Variants in GRID1 observed in about 807,000 individuals in gnomAD.
The protein encoded by GRID1 is glutamate receptor ionotropic, delta-1.
A neutral mutation model predicts 98.0 loss-of-function variants in GRID1; 28 were observed. That is an observed-to-expected ratio of 0.29 (90% CI 0.21 to 0.39). GRID1 has a LOEUF of 0.39. GRID1 is among the 10% of genes least tolerant of loss of function. The probability of loss-of-function intolerance (pLI) is 1.00; values close to 1 mark genes in which losing one functional copy is unlikely to be tolerated. For synonymous variants in GRID1, 553 were observed against 538.5 expected, an observed-to-expected ratio of 1.03 and a Z score of -0.37; for missense variants, 1,111 against 1,340.5, an observed-to-expected ratio of 0.83 and a Z score of 2.67.
chr10:86,168,593 T>C (rs1689111167), intron 3 of GRID1, among the ~76,000 whole-genome samples: 3 of 152,186 alleles, frequency 2.0e-5, no homozygotes, highest in Non-Finnish European at 4.4e-5. Flanking sequence ...AAGTGCCCAC[T>C]GCACCCTGAG....
chr10:86,336,948 C>T (rs770843324), intron 2 of GRID1, among the ~76,000 whole-genome samples: 3 of 151,672 alleles, frequency 2.0e-5, no homozygotes, highest in Admixed American at 6.6e-5. Context: ...GGGTTCACGC[C>T]ATTCTCCTGC....
At chr10:85,656,276 A>T (rs1840894062) in intron 12 of GRID1, among the ~76,000 whole-genome samples, 1 of 151,396 alleles carries the variant, frequency 6.6e-6, no homozygotes, top group Admixed American at 6.6e-5. Flanking sequence ...TCCAGAAATC[A>T]CTCTTGCTCA....
chr10:86,150,812 A>G (rs535049085), intron 3 of GRID1, among the ~76,000 whole-genome samples: 36 of 152,302 alleles, frequency 2.4e-4, no homozygotes, highest in Non-Finnish European at 3.8e-4. Flanking sequence ...TTTTCTCTCC[A>G]CCAGGTGCGC....
At chr10:85,803,634 A>T (rs1402607798) in intron 8 of GRID1, among the ~76,000 whole-genome samples, 1 of 152,102 alleles carries the variant, frequency 6.6e-6, no homozygotes, top group Non-Finnish European at 1.5e-5. Context: ...AATTTAAGCA[A>T]CATATGTGAA....
chr10:86,349,001 G>A (rs530338264), intron 2 of GRID1, among the ~76,000 whole-genome samples: 3 of 152,340 alleles, frequency 2.0e-5, no homozygotes, highest in South Asian at 2.1e-4. Flanking sequence ...AGAGGCCCGC[G>A]TGGTGGCAGC....
chr10:86,124,931 C>T (rs181435633), intron 4 of GRID1, among the ~76,000 whole-genome samples: 1 of 152,338 alleles, frequency 6.6e-6, no homozygotes, highest in Admixed American at 6.5e-5. Context: ...CCGGGCCTGG[C>T]TGATACAGCC....
At chr10:85,672,238 T>G (rs779811515) in intron 12 of GRID1, among the ~76,000 whole-genome samples, 11 of 152,176 alleles carry the variant, frequency 7.2e-5, no homozygotes, top group Non-Finnish European at 1.5e-4. Context: ...GCTCATGACT[T>G]TATGTTGAAA....
chr10:85,985,390 C>T (rs965306029), intron 4 of GRID1, among the ~76,000 whole-genome samples: 6 of 152,336 alleles, frequency 3.9e-5, no homozygotes, highest in South Asian at 2.1e-4. Flanking sequence ...CTGCCCACCT[C>T]GGTCTCCCCC....
chr10:85,881,572 T>A (rs540971753), intron 5 of GRID1, among the ~76,000 whole-genome samples: 47 of 152,344 alleles, frequency 3.1e-4, no homozygotes, highest in Admixed American at 1.6e-3. Flanking sequence ...GCTAGCCATA[T>A]GTAGAAAGCT....
chr10:86,061,211 G>A (rs564690310), intron 4 of GRID1, among the ~76,000 whole-genome samples: 28 of 152,256 alleles, frequency 1.8e-4, no homozygotes, highest in Non-Finnish European at 3.2e-4. Flanking sequence ...CAGCAGCTCC[G>A]AGCAGCTCCA....
intron 2 of GRID1, among the ~76,000 whole-genome samples, chr10:86,255,836 G>A (rs1207562122): frequency 2.0e-5 from 3 of 152,042 alleles, no homozygotes; most frequent in East Asian, 1.9e-4. Flanking sequence ...GCCTCGCCTG[G>A]GCTGCCCAGC....
intron 2 of GRID1, among the ~76,000 whole-genome samples, chr10:86,282,416 AG>A (rs1475657965): frequency 1.3e-5 from 2 of 152,204 alleles, no homozygotes; most frequent in African/African-American, 4.8e-5. Context: ...GGGAGTTTTC[AG>A]AGCACAGCCC....
chr10:86,001,755 A>T (rs2131875238), intron 4 of GRID1, among the ~76,000 whole-genome samples: 1 of 152,286 alleles, frequency 6.6e-6, no homozygotes, highest in Non-Finnish European at 1.5e-5. Flanking sequence ...AGCTGCATCG[A>T]GTGTATTAGT....
chr10:85,810,676 C>T (rs1321079703), intron 8 of GRID1, among the ~76,000 whole-genome samples: 2 of 152,188 alleles, frequency 1.3e-5, no homozygotes, highest in African/African-American at 4.8e-5. Flanking sequence ...GCCGACATGC[C>T]CCTAAGCTCC....
intron 3 of GRID1, among the ~76,000 whole-genome samples, chr10:86,144,800 C>T (rs1845061685): frequency 6.6e-6 from 1 of 152,190 alleles, no homozygotes; most frequent in African/African-American, 2.4e-5. Context: ...CCTGCCATGT[C>T]TGTTCTCACG....
chr10:86,353,799 C>A (rs1012566112), intron 2 of GRID1, among the ~76,000 whole-genome samples: 1 of 152,192 alleles, frequency 6.6e-6, no homozygotes, highest in South Asian at 2.1e-4. Flanking sequence ...AGGGCAGGTA[C>A]CCTGGGAGCC....
chr10:86,102,532 C>A (rs912481205), intron 4 of GRID1, among the ~76,000 whole-genome samples: 2 of 152,202 alleles, frequency 1.3e-5, no homozygotes, highest in Admixed American at 1.3e-4. Flanking sequence ...GTTCCAGAGC[C>A]CTGCCCGGCG....
intron 3 of GRID1, among the ~76,000 whole-genome samples, chr10:86,144,599 C>A (rs976349882): frequency 1.6e-4 from 25 of 152,194 alleles, no homozygotes; most frequent in African/African-American, 5.6e-4. Flanking sequence ...CAGTCATCAA[C>A]AAACAAGGGC....
intron 4 of GRID1, among the ~76,000 whole-genome samples, chr10:85,942,455 T>G (rs1842007389): frequency 6.6e-6 from 1 of 152,166 alleles, no homozygotes; most frequent in Non-Finnish European, 1.5e-5. Flanking sequence ...ACTAGGGGGA[T>G]CCCCACCCTA....
Sources: allele counts gnomAD v4.1 joint callset (sites outside exome capture counted in the v4.1 genomes callset), GRCh38; gene constraint gnomAD v4.1.1; transcripts MANE v1.5; gene names NCBI Gene and HGNC (gene_info 2026-07-23, HGNC 2026-07-21).